GTPBP8: variants seen among roughly 807,000 people sequenced by gnomAD.
The protein encoded by GTPBP8 is GTP-binding protein 8.
Under a neutral mutation model 27.3 loss-of-function variants are expected in GTPBP8, and 21 were observed. The ratio of observed to expected loss-of-function variants is 0.77; its 90% CI spans 0.55 to 1.11. GTPBP8 has a LOEUF of 1.11. Among genes scored for constraint, GTPBP8 ranks in the 50% least tolerant of loss-of-function variants. The probability of loss-of-function intolerance (pLI) is 0.00; values close to 1 mark genes in which losing one functional copy is unlikely to be tolerated. For missense variants in GTPBP8, 380 were observed against 350.8 expected (o/e 1.08, Z -0.67); for synonymous variants, 147 against 135.3 (o/e 1.09, Z -0.60).
chr3:113,000,496 A>G (rs1933873135), intron 5 of GTPBP8, among the ~76,000 whole-genome samples: 1 of 152,238 alleles, frequency 6.6e-6, no homozygotes, highest in Non-Finnish European at 1.5e-5. Flanking sequence ...AATAATATGT[A>G]CAATAATGGT....
intron 2 of GTPBP8, among the ~76,000 whole-genome samples, chr3:112,993,653 C>T (rs1226999452): frequency 6.6e-6 from 1 of 152,194 alleles, no homozygotes; most frequent in East Asian, 1.9e-4. Flanking sequence ...TCTAAGATAC[C>T]CTTTCTTCAA....
chr3:113,001,942 T>C lies in GTPBP8; in HGVS notation c.*1023T>C, dbSNP rs1933922741. 6.6e-6 allele frequency: 1 copy of C among 152,238 alleles called. No individual in the cohort carries two copies. Among genetic ancestry groups the C allele is most frequent in the Non-Finnish European group, 1.5e-5 (1 of 68,050 alleles). 9.4% of individuals were successfully genotyped at this position (152,238 alleles called of 1,614,324 possible). A position where few individuals can be genotyped will look rare whatever the true frequency, so the allele number is the denominator to read the frequency against. On this transcript the variant is annotated 3_prime_UTR_variant, in exon 6 of 6. Transcript: ENST00000383678. ...TATTAAAAGGTTATAGCTGTATTGC[T>C]GGATAACAAATTAAAGCTATAAACC...
rs912575838 is a variant in GTPBP8, at chr3:112,991,171, C to T, written c.172C>T (p.Leu58Phe). The T allele has an allele frequency of 1.2e-6, 2 of 1,614,172 alleles. No individual in the cohort carries two copies. The highest frequency in any genetic ancestry group is 1.7e-6 in the Non-Finnish European group (2 of 1,180,030). ...LYPLQEVERF[L>F]APYGRQDLHL... ...CCCGCTGCAGGAAGTAGAGCGGTTC[C>T]TCGCCCCCTACGGGAGGCAAGACCT... is the stretch of plus-strand genomic sequence containing the variant. Residue 58 changes from leucine to phenylalanine, a missense_variant, in exon 1 of 6, where the codon CTC becomes TTC. Transcript: ENST00000383678.
intron 5 of GTPBP8, among the ~76,000 whole-genome samples, chr3:113,000,476 C>T (rs1224537043): frequency 6.6e-6 from 1 of 152,090 alleles, no homozygotes; most frequent in Non-Finnish European, 1.5e-5. Flanking sequence ...TATAGGAAGA[C>T]AGATAGATAA....
intron 3 of GTPBP8, 42 bp from the exon 4 acceptor site, chr3:112,996,850 T>C (rs1410279596): frequency 1.2e-6 from 1 of 837,006 alleles, no homozygotes; most frequent in Non-Finnish European, 2.1e-6. Flanking sequence ...TGAATGGGTA[T>C]ATTTTATATT....
At chr3:112,995,471 A>G (rs1314446813) in intron 3 of GTPBP8, among the ~76,000 whole-genome samples, 2 of 151,786 alleles carry the variant, frequency 1.3e-5, no homozygotes, top group Non-Finnish European at 2.9e-5. Flanking sequence ...GGTTTAGCTT[A>G]CCCTTAATAT....
chr3:112,997,215 A>T (rs1429477019), intron 4 of GTPBP8, among the ~76,000 whole-genome samples: 2 of 152,190 alleles, frequency 1.3e-5, no homozygotes, highest in East Asian at 3.8e-4. Context: ...AATTATAGTC[A>T]AAGTAAAGGT....
rs766095378 is a variant in GTPBP8 at position 112,991,130 on chromosome 3, T to C, written c.131T>C (p.Leu44Pro). The C allele has an allele frequency of 1.2e-6, 2 of 1,613,860 alleles. No individual in the cohort carries two copies. Among genetic ancestry groups the C allele is most frequent in the Admixed American group, 3.3e-5 (2 of 60,034 alleles). ...AEVLRLPKQQ[L>P]RKLLYPLQEV... ...GTGCTGCGGCTGCCGAAGCAGCAGC[T>C]GAGGAAGCTGCTGTACCCGCTGCAG... Residue 44 changes from leucine (L) to proline (P), a missense_variant, in exon 1 of 6, where the codon CTG becomes CCG. By Grantham distance (98) the Leu-to-Pro change is moderately conservative (BLOSUM62 -3). Transcript: ENST00000383678.
At chr3:112,995,799 A>C (rs1309739558) in intron 3 of GTPBP8, among the ~76,000 whole-genome samples, 1 of 152,152 alleles carries the variant, frequency 6.6e-6, no homozygotes, top group African/African-American at 2.4e-5. Context: ...GCCCTCCCAA[A>C]GTGTGAGATT....
At chr3:112,996,817 T>G in intron 3 of GTPBP8, 75 bp from the exon 4 acceptor site, 1 of 724,208 alleles carries the variant, frequency 1.4e-6, no homozygotes, top group Non-Finnish European at 2.5e-6. Context: ...AATTTCTTAG[T>G]ACAGTAAGGA....
chr3:112,998,167 G>A (rs1933823059), intron 4 of GTPBP8, among the ~76,000 whole-genome samples: 1 of 152,130 alleles, frequency 6.6e-6, no homozygotes, highest in Non-Finnish European at 1.5e-5. Flanking sequence ...GTGGCTAAAT[G>A]TGTAGGGGTT....
At chr3:112,994,423 CAAAAA>C (rs57931589) in intron 2 of GTPBP8, among the ~76,000 whole-genome samples, 1 of 108,508 alleles carries the variant, frequency 9.2e-6, no homozygotes, top group Non-Finnish European at 2.0e-5. Flanking sequence ...AACTCTGTCT[CAAAAA>C]AAAAAAAAAA....
rs771944735 is a variant in GTPBP8, at chr3:112,996,922, C to T, written c.597C>T (p.Ser199=). The T allele has an allele frequency of 1.3e-5, 20 of 1,567,688 alleles. No homozygotes were observed. The highest frequency in any genetic ancestry group is 1.7e-5 in the Admixed American group (1 of 59,626). Residue 199 remains serine, a synonymous_variant, in exon 4 of 6, where the codon AGC becomes AGT. Coordinates refer to ENST00000383678, the MANE Select transcript of GTPBP8 (RefSeq NM_014170.4). ...AGAGAACATTTTTATTAGTGGATAG[C>T]GTTGTTGGAATTCAAAAAACAGACA... is the stretch of plus-strand genomic sequence containing the variant. ...NLKRTFLLVD[S]VVGIQKTDNI...
In GTPBP8 at chr3:112,993,075, C is replaced by A. The variant is rs2107366010; in HGVS notation, c.386C>A (p.Ala129Asp). The A allele has an allele frequency of 4.3e-6, 7 of 1,611,520 alleles. No individual in the cohort carries two copies. The highest frequency in any genetic ancestry group is 5.9e-6 in the Non-Finnish European group (7 of 1,178,138). Residue 129 changes from alanine (A) to aspartate (D), a missense_variant, in exon 2 of 6, where the codon GCT becomes GAT. By Grantham distance (126) the Ala-to-Asp change is moderately radical. Coordinates refer to ENST00000383678, the MANE Select transcript of GTPBP8 (RefSeq NM_014170.4). Reference protein sequence around the residue: ...SNVGKSSLIKALFSLAPEVEV... With the variant: ...SNVGKSSLIKDLFSLAPEVEV... ...GTTGGAAAATCATCTCTAATCAAGG[C>A]TTTATTTTCACTGGCCCCTGAGGTT...
At chr3:112,995,324 A>G in intron 3 of GTPBP8, 59 bp downstream of exon 3, 1 of 1,181,592 alleles carries the variant, frequency 8.5e-7, no homozygotes, top group Non-Finnish European at 1.2e-6. Context: ...TGTTTTCATC[A>G]GTAGAGTATT....
rs1055929376 is a variant in GTPBP8 at position 112,992,914 on chromosome 3, C to T, written c.337-112C>T. The T allele has an allele frequency of 1.2e-5, 7 of 601,898 alleles. No homozygotes were observed. The African/African-American group carries it at 1.3e-4, about 11-fold the overall frequency. The allele number at this position is 601,898 out of a possible 1,614,324, so 37.3% of individuals were successfully genotyped here. A position where few individuals can be genotyped will look rare whatever the true frequency, so the allele number is the denominator to read the frequency against. Reference sequence around the variant, plus strand: ...TGAATGCTTAAAATAGTACCTGGCACATTTAATTCATTCAATAAATATTAG... The same window carrying T: ...TGAATGCTTAAAATAGTACCTGGCATATTTAATTCATTCAATAAATATTAG... On this transcript the variant is annotated intron_variant, in intron 1 of 5. Coordinates refer to ENST00000383678, the MANE Select transcript of GTPBP8 (RefSeq NM_014170.4).
rs760812269 is a variant in GTPBP8, at chr3:112,991,267, C to G, written c.268C>G (p.Arg90Gly). ...RADNIFTATERNRIDYVSSAV... is the reference protein window; with the variant it reads ...RADNIFTATEGNRIDYVSSAV... ...GGACAACATCTTCACGGCCACTGAA[C>G]GGAACCGCATCGACTACGTCAGCTC... The change falls in exon 1 of 6, where the codon CGG becomes GGG. Residue 90 changes from arginine (R) to glycine (G), a missense_variant. Coordinates refer to ENST00000383678, the MANE Select transcript of GTPBP8 (RefSeq NM_014170.4). 1 of 1,613,910 alleles carries G rather than the reference C, an allele frequency of 6.2e-7. No homozygotes were observed. Among genetic ancestry groups the G allele is most frequent in the Non-Finnish European group, 8.5e-7 (1 of 1,180,036 alleles).
chr3:113,000,450 C>T (rs745629968), intron 5 of GTPBP8, among the ~76,000 whole-genome samples: 7 of 151,960 alleles, frequency 4.6e-5, no homozygotes, highest in Non-Finnish European at 8.8e-5. Flanking sequence ...GACGGACAGA[C>T]GGACGCACAG....
At chr3:112,999,624 GTT>G (rs557348814) in intron 5 of GTPBP8, 60 bp downstream of exon 5, 2 of 645,850 alleles carry the variant, frequency 3.1e-6, no homozygotes, top group Non-Finnish European at 5.3e-6. Flanking sequence ...AATGTTGTGG[GTT>G]TTTTTTTTAT....
Sources: gnomAD v4.1 joint callset for allele counts (sites outside exome capture counted in the v4.1 genomes callset) on GRCh38, gnomAD v4.1.1 for gene constraint, MANE v1.5 for transcripts, NCBI Gene and HGNC (gene_info 2026-07-23, HGNC 2026-07-21) for gene names.